Variants in LSAMP observed in about 807,000 individuals in gnomAD.
The protein encoded by LSAMP is limbic system associated membrane protein, also known as limbic system-associated membrane protein.
LSAMP carries 7 observed loss-of-function variants against 38.6 expected under a neutral mutation model. The observed-to-expected ratio is 0.18, with a 90% CI of 0.10 to 0.34. The LOEUF is 0.34. LSAMP is among the 10% of genes least tolerant of loss of function. The pLI is 1.00. For synonymous variants in LSAMP, 154 were observed against 166.8 expected (o/e 0.92, Z 0.59); for missense variants, 313 against 420.0 (o/e 0.75, Z 2.23).
At chr3:116,272,300 C>T (rs1003652484) in intron 1 of LSAMP, among the ~76,000 whole-genome samples, 2 of 152,006 alleles carry the variant, frequency 1.3e-5, no homozygotes, top group Admixed American at 6.6e-5. Context: ...TGGAGAAAGG[C>T]AAAAATAACA....
intron 1 of LSAMP, among the ~76,000 whole-genome samples, chr3:116,435,606 G>T (rs2049339232): frequency 6.6e-6 from 1 of 152,080 alleles, no homozygotes; most frequent in South Asian, 2.1e-4. Context: ...TTTGCACACT[G>T]TCTTCACCAC....
In LSAMP at chr3:115,902,324, A is replaced by T. The variant is rs138004965; in HGVS notation, c.515-49707T>A. 2.5e-3 allele frequency among the ~76,000 whole-genome samples: 384 copies of T among 152,222 alleles called. 6 individuals are homozygous for T. Among genetic ancestry groups the T allele is most frequent in the Admixed American group, 0.017 (265 of 15,266 alleles). On this transcript the variant is annotated intron_variant, in intron 3 of 6. Coordinates refer to ENST00000490035, the MANE Select transcript of LSAMP (RefSeq NM_002338.5). ...ATTGGAAAAGACAACAATAGGAAAC[A>T]ATATAAAAATTAGCACAACTAAAAG...
intron 1 of LSAMP, among the ~76,000 whole-genome samples, chr3:116,188,016 G>A (rs771801121): frequency 6.6e-6 from 1 of 151,936 alleles, no homozygotes; most frequent in East Asian, 1.9e-4. Flanking sequence ...TCATCATTTA[G>A]CTCCCATTTA....
chr3:116,389,415 G>A (rs574398508), intron 1 of LSAMP, among the ~76,000 whole-genome samples: 1 of 152,192 alleles, frequency 6.6e-6, no homozygotes, highest in South Asian at 2.1e-4. Context: ...GGATAAATTT[G>A]TATTGCAATC....
At chr3:116,275,596 T>A (rs149419485) in intron 1 of LSAMP, among the ~76,000 whole-genome samples, 3 of 152,182 alleles carry the variant, frequency 2.0e-5, no homozygotes, top group African/African-American at 7.2e-5. Context: ...CCTCACTCTT[T>A]AGGTTTCATA....
Position 116,445,151 on chromosome 3 carries a change from G to T in LSAMP, c.-120C>A. 2.0e-6 allele frequency: 2 copies of T among 975,700 alleles called. No individual in the cohort carries two copies. Among genetic ancestry groups the T allele is most frequent in the Non-Finnish European group, 3.0e-6 (2 of 667,918 alleles). 60.4% of individuals were successfully genotyped at this position (975,700 alleles called of 1,614,324 possible). A position where few individuals can be genotyped will look rare whatever the true frequency, so the allele number is the denominator to read the frequency against. ...AGCGAGCGCAGAGCGGGCTTTGCCA[G>T]TTTATGGTCCTTTCCACTTTGCCTC... On this transcript the variant is annotated 5_prime_UTR_variant, in exon 1 of 7. In the 5' UTR this introduces an upstream ATG that the reference lacks. Transcript: ENST00000490035.
At chr3:116,261,464 G>A (rs747198056) in intron 1 of LSAMP, among the ~76,000 whole-genome samples, 20 of 152,168 alleles carry the variant, frequency 1.3e-4, no homozygotes, top group South Asian at 2.1e-4. Flanking sequence ...ATGTCACCTC[G>A]CTATTTAGAA....
At chr3:116,330,484 AT>A (rs1559830465) in intron 1 of LSAMP, among the ~76,000 whole-genome samples, 1 of 152,152 alleles carries the variant, frequency 6.6e-6, no homozygotes, top group Non-Finnish European at 1.5e-5. Context: ...ATCTGCCTCC[AT>A]TGTTGTAAGC....
chr3:115,976,850 G>T (rs72957754), intron 3 of LSAMP, among the ~76,000 whole-genome samples: 1 of 152,004 alleles, frequency 6.6e-6, no homozygotes, highest in African/African-American at 2.4e-5. Flanking sequence ...TGCCATGATT[G>T]TCATGCCACC....
chr3:116,295,321 C>T (rs977348706), intron 1 of LSAMP, among the ~76,000 whole-genome samples: 1 of 152,154 alleles, frequency 6.6e-6, no homozygotes, highest in Non-Finnish European at 1.5e-5. Flanking sequence ...GATACCTTGG[C>T]CTTATGACTC....
At chr3:116,245,042 T>C (rs140205291) in intron 1 of LSAMP, among the ~76,000 whole-genome samples, 221 of 152,282 alleles carry the variant, frequency 1.5e-3, no homozygotes, top group African/African-American at 5.1e-3. Context: ...GAAGTCTTCA[T>C]CCTCAGTAGC....
chr3:116,011,189 G>T (rs191478339), intron 3 of LSAMP, among the ~76,000 whole-genome samples: 63 of 152,174 alleles, frequency 4.1e-4, no homozygotes, highest in African/African-American at 1.5e-3. Flanking sequence ...TTACAGGTGT[G>T]AGCCACTGCA....
At chr3:115,879,409 C>T (rs1482683801) in intron 3 of LSAMP, among the ~76,000 whole-genome samples, 2 of 152,028 alleles carry the variant, frequency 1.3e-5, no homozygotes, top group African/African-American at 4.8e-5. Flanking sequence ...GTCACTGAAA[C>T]ATTTATTAGT....
chr3:116,398,824 T>A (rs2048803820), intron 1 of LSAMP, among the ~76,000 whole-genome samples: 1 of 152,198 alleles, frequency 6.6e-6, no homozygotes, highest in African/African-American at 2.4e-5. Flanking sequence ...GAGTTGGCAG[T>A]CTTGTGAGGC....
chr3:115,908,440 C>T (rs1160256950), intron 3 of LSAMP, among the ~76,000 whole-genome samples: 1 of 152,088 alleles, frequency 6.6e-6, no homozygotes, highest in African/African-American at 2.4e-5. Context: ...CAAAACTTTG[C>T]AGATGGCCAG....
In LSAMP at chr3:116,279,779, T is replaced by A. The variant is rs533559794; in HGVS notation, c.155+165098A>T. Among the ~76,000 whole-genome samples the A allele has an allele frequency of 4.1e-4, 63 of 152,300 alleles. 1 individual carries two copies. In the South Asian group the frequency reaches 0.013, roughly 31 times the overall value. On this transcript the variant is annotated intron_variant, in intron 1 of 6. Coordinates refer to ENST00000490035, the MANE Select transcript of LSAMP (RefSeq NM_002338.5). ...AACATAAAAATGTCATTGAAAATGA[T>A]AAGCATTTTCCCAAAATTCCAAAAG... is the stretch of plus-strand genomic sequence containing the variant.
At chr3:116,290,952 C>T (rs2107693410) in intron 1 of LSAMP, among the ~76,000 whole-genome samples, 1 of 152,084 alleles carries the variant, frequency 6.6e-6, no homozygotes, top group South Asian at 2.1e-4. Flanking sequence ...TCTAAAATTT[C>T]ACTGAAGATG....
intron 1 of LSAMP, among the ~76,000 whole-genome samples, chr3:116,278,660 T>C (rs1209129202): frequency 6.6e-6 from 1 of 152,192 alleles, no homozygotes; most frequent in Non-Finnish European, 1.5e-5. Context: ...CCCTTTTGTG[T>C]CATGAAAATA....
At chr3:116,329,578 G>T (rs1036458387) in intron 1 of LSAMP, among the ~76,000 whole-genome samples, 1 of 152,000 alleles carries the variant, frequency 6.6e-6, no homozygotes, top group Non-Finnish European at 1.5e-5. Flanking sequence ...CAAATTCTTA[G>T]CTATCAAAAA....
Sources: gnomAD v4.1 joint callset for allele counts (sites outside exome capture counted in the v4.1 genomes callset) on GRCh38, gnomAD v4.1.1 for gene constraint, MANE v1.5 for transcripts, NCBI Gene and HGNC (gene_info 2026-07-23, HGNC 2026-07-21) for gene names.